GNG2: variants seen among roughly 807,000 people sequenced by gnomAD.
GNG2 encodes guanine nucleotide-binding protein G(I)/G(S)/G(O) subunit gamma-2.
In GNG2, 5 loss-of-function variants were observed where a neutral mutation model predicts 5.5. The ratio of observed to expected loss-of-function variants is 0.91; its 90% CI spans 0.48 to 1.92. GNG2 has a LOEUF of 1.92. Among genes scored for constraint, GNG2 ranks in the 30% most tolerant of loss-of-function variants. GNG2 has a pLI of 0.01. For missense variants in GNG2, 55 were observed against 88.4 expected, an observed-to-expected ratio of 0.62 and a Z score of 1.52; for synonymous variants, 28 against 32.0, an observed-to-expected ratio of 0.88 and a Z score of 0.42.
intron 2 of GNG2, among the ~76,000 whole-genome samples, chr14:51,915,140 A>G (rs1886538780): frequency 6.6e-6 from 1 of 152,192 alleles, no homozygotes. Context: ...AAGTGTATGA[A>G]TCAATTCAGT....
intron 2 of GNG2, among the ~76,000 whole-genome samples, chr14:51,938,381 T>A (rs1487467716): frequency 6.6e-6 from 1 of 152,236 alleles, no homozygotes; most frequent in African/African-American, 2.4e-5. Context: ...CAGTGTTTAG[T>A]AGTTGCTCAA....
intron 2 of GNG2, among the ~76,000 whole-genome samples, chr14:51,947,836 T>C (rs1287942357): frequency 6.6e-6 from 1 of 152,144 alleles, no homozygotes; most frequent in Non-Finnish European, 1.5e-5. Context: ...CAATAATGGG[T>C]CATTTACTCA....
chr14:51,942,665 C>G (rs1358070713), intron 2 of GNG2, among the ~76,000 whole-genome samples: 3 of 143,342 alleles, frequency 2.1e-5, no homozygotes, highest in South Asian at 4.5e-4. Flanking sequence ...CTCAAACAAT[C>G]CTCCCTTCTC....
chr14:51,872,883 A>G (rs1175460343), intron 1 of GNG2, among the ~76,000 whole-genome samples: 3 of 152,202 alleles, frequency 2.0e-5, no homozygotes, highest in Non-Finnish European at 4.4e-5. Flanking sequence ...ACTGACATCT[A>G]TTCTTTTATA....
chr14:51,957,311 C>G (rs1889332146), intron 3 of GNG2, among the ~76,000 whole-genome samples: 1 of 152,030 alleles, frequency 6.6e-6, no homozygotes, highest in Admixed American at 6.6e-5. Context: ...ATTTTTTTCT[C>G]AATCCCTCCA....
chr14:51,887,823 G>T (rs910643598), intron 2 of GNG2, among the ~76,000 whole-genome samples: 2 of 152,300 alleles, frequency 1.3e-5, no homozygotes, highest in East Asian at 1.9e-4. Context: ...TATGCAAAAT[G>T]AAGGCAGTGT....
At chr14:51,856,436 TTTG>T (rs1458613142), upstream of GNG2, among the ~76,000 whole-genome samples, 2 of 152,152 alleles carry the variant, frequency 1.3e-5, no homozygotes, top group Non-Finnish European at 2.9e-5. Flanking sequence ...TCTTTTCTTT[TTTG>T]TTGTTGTTGT....
intron 2 of GNG2, among the ~76,000 whole-genome samples, chr14:51,890,668 A>C (rs1347504888): frequency 6.6e-6 from 1 of 152,208 alleles, no homozygotes; most frequent in Admixed American, 6.5e-5. Context: ...TTTGAGTATT[A>C]CTCTAGAAAT....
At chr14:51,921,624 G>A (rs1194793684) in intron 2 of GNG2, among the ~76,000 whole-genome samples, 1 of 152,100 alleles carries the variant, frequency 6.6e-6, no homozygotes, top group African/African-American at 2.4e-5. Flanking sequence ...CTGAGGATGG[G>A]GTGCACACAG....
chr14:51,916,414 G>T (rs1305881070), intron 2 of GNG2: 1 of 449,118 alleles, frequency 2.2e-6, no homozygotes, highest in Non-Finnish European at 4.5e-6. Context: ...TTCCCACGAG[G>T]ACCTATTTTG....
chr14:51,918,331 C>T (rs1041541581), intron 2 of GNG2, among the ~76,000 whole-genome samples: 10 of 151,806 alleles, frequency 6.6e-5, no homozygotes, highest in Admixed American at 3.9e-4. Context: ...CTCATGTAGA[C>T]ATGAGTCCCA....
rs375130571 is a variant in GNG2, at chr14:51,963,331, C to T, written c.88-3228C>T. Among the ~76,000 whole-genome samples the T allele has an allele frequency of 5.8e-4, 89 of 152,310 alleles. 2 individuals carry two copies. The South Asian group carries it at 0.018, about 31-fold the overall frequency. ...CATAAAAAGATTTTGAATATTCATG[C>T]TACATAGTTGTATGTGAGTGTTGCA... On this transcript the variant is annotated intron_variant, in intron 3 of 3. Transcript: ENST00000556766.
chr14:51,957,042 G>T (rs967309374), intron 3 of GNG2, among the ~76,000 whole-genome samples: 10 of 134,734 alleles, frequency 7.4e-5, no homozygotes, highest in African/African-American at 2.9e-4. Flanking sequence ...CTTACTTCCC[G>T]GTTCTCAGTC....
intron 3 of GNG2, chr14:51,952,147 G>A (rs936758944): frequency 5.4e-5 from 25 of 459,054 alleles, no homozygotes; most frequent in African/African-American, 4.0e-4. Flanking sequence ...GTGCTAGAGA[G>A]TGAAGAGAGA....
At chr14:51,851,494 C>T (rs116967592) in intron 2 of GNG2, among the ~76,000 whole-genome samples, 105 of 152,302 alleles carry the variant, frequency 6.9e-4, no homozygotes, top group Non-Finnish European at 1.1e-3. Flanking sequence ...AGTTCATTTA[C>T]TCATTTGACA....
intron 2 of GNG2, chr14:51,916,538 C>A (rs1364064216): frequency 4.5e-6 from 2 of 449,356 alleles, no homozygotes; most frequent in South Asian, 3.2e-5. Flanking sequence ...GAAATTAATC[C>A]AATTAAACTT....
chr14:51,901,720 T>G, intron 2 of GNG2, among the ~76,000 whole-genome samples: 1 of 144,908 alleles, frequency 6.9e-6, no homozygotes. Flanking sequence ...TTGGTGGCAG[T>G]GTTTTGGAAG....
At chr14:51,843,549 T>C (rs996465037) in intron 2 of GNG2, among the ~76,000 whole-genome samples, 4 of 149,164 alleles carry the variant, frequency 2.7e-5, no homozygotes, top group Admixed American at 6.8e-5. Flanking sequence ...ACCTGCACGA[T>C]CTGCACACGC....
chr14:51,850,367 AT>A (rs543618681), intron 2 of GNG2, among the ~76,000 whole-genome samples: 82 of 152,134 alleles, frequency 5.4e-4, no homozygotes, highest in South Asian at 1.0e-3. Context: ...CATGAAAAAA[AT>A]AAACCCCTCC....
Sources: allele counts gnomAD v4.1 joint callset (sites outside exome capture counted in the v4.1 genomes callset), GRCh38; gene constraint gnomAD v4.1.1; transcripts MANE v1.5; gene names NCBI Gene and HGNC (gene_info 2026-07-23, HGNC 2026-07-21).